NTM: variants seen among roughly 807,000 people sequenced by gnomAD.
The protein encoded by NTM is IgLON family member 2.
A neutral mutation model predicts 42.1 loss-of-function variants in NTM; 13 were observed. That is an observed-to-expected ratio of 0.31 (90% confidence interval 0.20 to 0.49). NTM has a LOEUF of 0.49. NTM is among the 20% of genes least tolerant of loss of function. The probability of loss-of-function intolerance (pLI) is 0.99; values close to 1 mark genes in which losing one functional copy is unlikely to be tolerated. For synonymous variants in NTM, 187 were observed against 179.2 expected, an observed-to-expected ratio of 1.04 and a Z score of -0.35; for missense variants, 373 against 452.8, an observed-to-expected ratio of 0.82 and a Z score of 1.60.
intron 4 of NTM, among the ~76,000 whole-genome samples, chr11:132,250,635 T>C (rs1566578909): frequency 6.6e-6 from 1 of 152,092 alleles, no homozygotes. Context: ...GTTAATTGAT[T>C]CTCTCTTTAG....
chr11:131,762,262 C>A (rs2084334350), intron 1 of NTM, among the ~76,000 whole-genome samples: 1 of 152,142 alleles, frequency 6.6e-6, no homozygotes, highest in Non-Finnish European at 1.5e-5. Flanking sequence ...TACAAAGAGC[C>A]CTTAGAAAAG....
intron 3 of NTM, among the ~76,000 whole-genome samples, chr11:132,156,895 AAC>A (rs2073311541): frequency 6.6e-6 from 1 of 152,240 alleles, no homozygotes; most frequent in African/African-American, 2.4e-5. Flanking sequence ...ATTTGATAGG[AAC>A]ACACACAGAG....
intron 1 of NTM, among the ~76,000 whole-genome samples, chr11:131,878,594 AATATATATATATATATATATATATAT>A (rs201069325): frequency 0.011 from 211 of 19,344 alleles, 45 homozygotes; most frequent in African/African-American, 0.019. Flanking sequence ...AAAAAAAAAA[AATATATATATATATATATATATATAT>A]ATATATATAT....
rs777852027 is a variant in NTM at position 132,002,587 on chromosome 11, G to C, written c.167+90939G>C. On this transcript the variant is annotated intron_variant, in intron 2 of 8. Transcript: ENST00000683400. This position sits in a 1 kb window ranked among gnomAD's most constrained non-coding sequence, Gnocchi z 4.5. ...AATTGGAGGCTTCTGGCCATTGCTT[G>C]AATAACTTTCTGCCTCTAGTATCCC... Among the ~76,000 whole-genome samples the C allele has an allele frequency of 6.6e-6, 1 of 152,170 alleles. No individual in the cohort carries two copies. Among genetic ancestry groups the C allele is most frequent in the Non-Finnish European group, 1.5e-5 (1 of 68,036 alleles).
At chr11:131,712,210 A>AC (rs2077246085) in intron 1 of NTM, among the ~76,000 whole-genome samples, 1 of 151,082 alleles carries the variant, frequency 6.6e-6, no homozygotes, top group African/African-American at 2.4e-5. Context: ...AAACAAACAA[A>AC]AAGAAGAAGG....
At chr11:131,710,643 C>T (rs2077027064) in intron 1 of NTM, among the ~76,000 whole-genome samples, 1 of 152,126 alleles carries the variant, frequency 6.6e-6, no homozygotes, top group South Asian at 2.1e-4. Flanking sequence ...TTAACAGCAA[C>T]TGAGAAGTTG....
At chr11:132,225,575 C>T (rs1302950738) in intron 4 of NTM, among the ~76,000 whole-genome samples, 9 of 152,012 alleles carry the variant, frequency 5.9e-5, no homozygotes, top group Admixed American at 3.9e-4. Flanking sequence ...GATGAGAGCC[C>T]CTATAGTCAG....
chr11:132,012,159 G>C (rs559498252), intron 2 of NTM, among the ~76,000 whole-genome samples: 1 of 152,054 alleles, frequency 6.6e-6, no homozygotes, highest in Non-Finnish European at 1.5e-5. Context: ...GGATAGGGTC[G>C]GGGAAGAAAG....
chr11:131,975,553 A>C (rs941008282), intron 2 of NTM, among the ~76,000 whole-genome samples: 2 of 151,588 alleles, frequency 1.3e-5, no homozygotes, highest in Admixed American at 6.6e-5. Context: ...GGGAAAAAAA[A>C]CCTCCAAACA....
intron 2 of NTM, among the ~76,000 whole-genome samples, chr11:132,091,093 A>T (rs2060322003): frequency 6.6e-6 from 1 of 152,178 alleles, no homozygotes; most frequent in African/African-American, 2.4e-5. Flanking sequence ...CAGCTCAAAA[A>T]TTATTTTCTC....
chr11:131,395,960 G>A (rs1348163714), intron 1 of NTM, among the ~76,000 whole-genome samples: 1 of 152,190 alleles, frequency 6.6e-6, no homozygotes. Context: ...CCTGTGAGAA[G>A]TTCTTGGCTT....
intron 1 of NTM, among the ~76,000 whole-genome samples, chr11:131,803,213 C>T (rs929912695): frequency 3.3e-5 from 5 of 152,156 alleles, no homozygotes; most frequent in African/African-American, 1.2e-4. Context: ...AGTTTCCTGG[C>T]ATCTTCACGC....
chr11:131,446,028 A>G (rs1950029953), intron 1 of NTM, among the ~76,000 whole-genome samples: 2 of 152,168 alleles, frequency 1.3e-5, no homozygotes, highest in African/African-American at 4.8e-5. Flanking sequence ...TTCTAGTTTG[A>G]CCTATCTCAG....
rs2060166022 is a variant in NTM at position 131,598,848 on chromosome 11, T to TCTTTCTTC, written c.82+227963_82+227964insTCTTCCTT. Among the ~76,000 whole-genome samples, 3 of 41,190 alleles carry TCTTTCTTC rather than the reference T, an allele frequency of 7.3e-5. 1 individual carries two copies. The highest frequency in any genetic ancestry group is 1.1e-4 in the Non-Finnish European group (2 of 17,854). The allele number at this position is 41,190 out of a possible 152,430, so 27.0% of individuals were successfully genotyped here. The stretch of plus-strand genomic sequence containing the variant: ...TTTCTTCTTTCTTTCTTTCTTTCTT[T>TCTTTCTTC]CTTCCTTCCTTCCTTCCTTCCTTCC... On this transcript the variant is annotated intron_variant, in intron 1 of 8. Transcript: ENST00000683400.
At chr11:131,829,808 G>A (rs892402030) in intron 1 of NTM, among the ~76,000 whole-genome samples, 3 of 152,094 alleles carry the variant, frequency 2.0e-5, no homozygotes, top group African/African-American at 7.2e-5. Flanking sequence ...TAGTGTATAA[G>A]CATTCCCTTT....
intron 1 of NTM, among the ~76,000 whole-genome samples, chr11:131,466,123 C>G (rs1951857875): frequency 1.3e-5 from 2 of 152,318 alleles, no homozygotes; most frequent in African/African-American, 2.4e-5. Context: ...TCTGGATCCT[C>G]TCAGAGCCTG....
At chr11:132,138,529 AGTGT>A (rs1323200315) in intron 2 of NTM, among the ~76,000 whole-genome samples, 1 of 145,546 alleles carries the variant, frequency 6.9e-6, no homozygotes, top group Non-Finnish European at 1.5e-5. Context: ...GTGGGGTGGG[AGTGT>A]GTATTAGTCT....
intron 4 of NTM, among the ~76,000 whole-genome samples, chr11:132,259,572 C>T (rs1003900212): frequency 1.3e-4 from 19 of 151,648 alleles, no homozygotes; most frequent in African/African-American, 3.6e-4. Context: ...CCCAGCTACT[C>T]GGGAGGCTGA....
chr11:132,275,548 G>A (rs115050868), intron 4 of NTM, among the ~76,000 whole-genome samples: 52 of 148,864 alleles, frequency 3.5e-4, no homozygotes, highest in African/African-American at 1.2e-3. Flanking sequence ...TGCATACTTC[G>A]CTTTTCCACA....
Sources: allele counts gnomAD v4.1 joint callset (sites outside exome capture counted in the v4.1 genomes callset), GRCh38; gene constraint gnomAD v4.1.1; non-coding constraint Gnocchi (gnomAD v3.1); transcripts MANE v1.5; gene names NCBI Gene and HGNC (gene_info 2026-07-23, HGNC 2026-07-21).